The following LUZP2 variants were observed in gnomAD, a reference collection of about 807,000 sequenced individuals.
LUZP2 encodes the protein leucine zipper protein 2.
Under a neutral mutation model 51.6 loss-of-function variants are expected in LUZP2, and 52 were observed. The observed-to-expected ratio is 1.01, with a 90% CI of 0.81 to 1.27. The LOEUF (loss-of-function observed/expected upper bound fraction) is 1.27. Ranked by LOEUF, LUZP2 falls within the 50% of genes most tolerant of loss-of-function variation. The probability of loss-of-function intolerance (pLI) is 0.00; values close to 1 mark genes in which losing one functional copy is unlikely to be tolerated. For synonymous variants in LUZP2, 154 were observed against 137.3 expected, an observed-to-expected ratio of 1.12 and a Z score of -0.85; for missense variants, 436 against 395.4, an observed-to-expected ratio of 1.10 and a Z score of -0.87.
chr11:24,780,469 T>C (rs913623564), intron 5 of LUZP2, among the ~76,000 whole-genome samples: 1 of 152,156 alleles, frequency 6.6e-6, no homozygotes, highest in African/African-American at 2.4e-5. Flanking sequence ...ATGATAGTTG[T>C]ATAATGTATA....
chr11:24,597,908 C>T (rs189959507), intron 1 of LUZP2, among the ~76,000 whole-genome samples: 20 of 152,196 alleles, frequency 1.3e-4, no homozygotes, highest in Admixed American at 1.3e-3. Flanking sequence ...TCAAGACCAG[C>T]CTTGTCAACA....
intron 1 of LUZP2, among the ~76,000 whole-genome samples, chr11:24,519,286 A>G (rs1850568102): frequency 6.6e-6 from 1 of 151,966 alleles, no homozygotes; most frequent in Admixed American, 6.6e-5. Flanking sequence ...CCTCAACCCA[A>G]CTTTATCTAG....
intron 5 of LUZP2, among the ~76,000 whole-genome samples, chr11:24,890,174 A>T (rs1852800759): frequency 6.6e-6 from 1 of 152,216 alleles, no homozygotes; most frequent in Non-Finnish European, 1.5e-5. Flanking sequence ...AAATGAGCAA[A>T]TATATTATAA....
intron 1 of LUZP2, among the ~76,000 whole-genome samples, chr11:24,590,776 G>GT (rs1013445103): frequency 7.2e-5 from 11 of 151,926 alleles, no homozygotes; most frequent in South Asian, 2.1e-4. Context: ...GGATATATGT[G>GT]TTTTTTTTCC....
Position 24,989,216 on chromosome 11 carries a change from T to C in LUZP2, c.765+5923T>C, listed in dbSNP as rs542183150. Among the ~76,000 whole-genome samples, 6 of 152,134 alleles carry C rather than the reference T, an allele frequency of 3.9e-5. No homozygotes were observed. In the South Asian group the frequency reaches 1.0e-3, roughly 26 times the overall value. ...ATTTTATGGGAATGGGCTACCTTAC[T>C]AGCCCTGTTGCATCACATGCGGGGG... On this transcript the variant is annotated intron_variant, in intron 9 of 11. Coordinates refer to ENST00000336930, the MANE Select transcript of LUZP2 (RefSeq NM_001009909.4).
At chr11:24,904,801 C>T (rs1026627914) in intron 5 of LUZP2, among the ~76,000 whole-genome samples, 1 of 151,830 alleles carries the variant, frequency 6.6e-6, no homozygotes, top group African/African-American at 2.4e-5. Flanking sequence ...ACTAAATTAT[C>T]TAATTAAAGT....
intron 5 of LUZP2, among the ~76,000 whole-genome samples, chr11:24,826,503 G>C (rs12802111): frequency 6.6e-6 from 1 of 150,858 alleles, no homozygotes; most frequent in East Asian, 2.0e-4. Flanking sequence ...TTTCTTCTTA[G>C]AGAGTATTAA....
At chr11:24,928,927 G>A (rs978500776) in intron 7 of LUZP2, among the ~76,000 whole-genome samples, 5 of 151,906 alleles carry the variant, frequency 3.3e-5, no homozygotes, top group Admixed American at 2.0e-4. Context: ...GGTCTCTTCA[G>A]AGTTTCTATT....
intron 7 of LUZP2, among the ~76,000 whole-genome samples, chr11:24,927,476 G>A (rs1854314705): frequency 6.6e-6 from 1 of 151,606 alleles, no homozygotes; most frequent in African/African-American, 2.4e-5. Flanking sequence ...CCTATTATGT[G>A]GCTTATTTGT....
intron 9 of LUZP2, among the ~76,000 whole-genome samples, chr11:25,009,696 C>T (rs1338169206): frequency 6.6e-6 from 1 of 152,028 alleles, no homozygotes; most frequent in Non-Finnish European, 1.5e-5. Context: ...TATGACTAAC[C>T]AAAGGCATTG....
intron 5 of LUZP2, among the ~76,000 whole-genome samples, chr11:24,859,731 G>A (rs116901625): frequency 0.027 from 4,041 of 152,318 alleles, 67 homozygotes; most frequent in Non-Finnish European, 0.028. Flanking sequence ...GCCCACCTGC[G>A]AGCCACAAGG....
At chr11:24,674,640 C>A (rs1339413668) in intron 1 of LUZP2, among the ~76,000 whole-genome samples, 3 of 152,004 alleles carry the variant, frequency 2.0e-5, no homozygotes, top group Non-Finnish European at 4.4e-5. Flanking sequence ...TATATGCAAC[C>A]TTTGTCCCAA....
chr11:24,880,579 G>T (rs1035918850), intron 5 of LUZP2, among the ~76,000 whole-genome samples: 5 of 152,002 alleles, frequency 3.3e-5, no homozygotes, highest in Non-Finnish European at 1.5e-5. Flanking sequence ...CATGCTATTG[G>T]CCCAGAGAAC....
intron 9 of LUZP2, among the ~76,000 whole-genome samples, chr11:24,990,856 G>A (rs1856313104): frequency 6.6e-6 from 1 of 151,582 alleles, no homozygotes; most frequent in African/African-American, 2.4e-5. Flanking sequence ...CACTCATAAT[G>A]CTGGTGAACT....
At chr11:24,996,788 T>G (rs1300371575) in intron 9 of LUZP2, among the ~76,000 whole-genome samples, 3 of 151,666 alleles carry the variant, frequency 2.0e-5, no homozygotes, top group East Asian at 3.9e-4. Context: ...CCCACAACAG[T>G]CTCCAGAGTG....
intron 1 of LUZP2, among the ~76,000 whole-genome samples, chr11:24,536,628 G>A (rs1366122935): frequency 6.6e-6 from 1 of 151,868 alleles, no homozygotes; most frequent in East Asian, 1.9e-4. Context: ...TGATTTAATA[G>A]AACATTGTGG....
At position 24,701,507 on chromosome 11, in the gene LUZP2, AAG is replaced by A. The variant is rs143175970; in HGVS notation, c.63-27657_63-27656del. On this transcript the variant is annotated intron_variant, in intron 1 of 11. Coordinates refer to ENST00000336930, the MANE Select transcript of LUZP2 (RefSeq NM_001009909.4). ...AAAAACGATTTACCTGCAGAAAACG[AAG>A]AGAGTAAAACCACGGAGAACCCAGC... 6 of 161,544 alleles carry A rather than the reference AAG, an allele frequency of 3.7e-5. No homozygotes were observed. The East Asian group carries it at 1.2e-3, about 31-fold the overall frequency. The allele number at this position is 161,544 out of a possible 1,614,324, so 10.0% of individuals were successfully genotyped here. A position where few individuals can be genotyped will look rare whatever the true frequency, so the allele number is the denominator to read the frequency against.
intron 1 of LUZP2, among the ~76,000 whole-genome samples, chr11:24,639,029 A>G (rs1855195574): frequency 6.6e-6 from 1 of 151,794 alleles, no homozygotes; most frequent in Admixed American, 6.6e-5. Context: ...TGTTATACTA[A>G]AAGCTCTAGA....
Position 24,566,499 on chromosome 11 carries a change from A to G in LUZP2, c.62+69194A>G, listed in dbSNP as rs1852223478. 2.0e-5 allele frequency among the ~76,000 whole-genome samples: 3 copies of G among 147,320 alleles called. No individual in the cohort carries two copies. In the Admixed American group the frequency reaches 2.0e-4, roughly 10 times the overall value. On this transcript the variant is annotated intron_variant, in intron 1 of 11. Transcript: ENST00000336930. ...ACGTGCCACCATGCCCAGATAATTT[A>G]ATTTGTGTGTGTGTGTATGTGTGTG...
Sources: gnomAD v4.1 joint callset for allele counts (sites outside exome capture counted in the v4.1 genomes callset) on GRCh38, gnomAD v4.1.1 for gene constraint, MANE v1.5 for transcripts, NCBI Gene and HGNC (gene_info 2026-07-23, HGNC 2026-07-21) for gene names.